HAUS3: variants seen among roughly 807,000 people sequenced by gnomAD.
The protein encoded by HAUS3 is HAUS augmin like complex subunit 3.
HAUS3 carries 36 observed loss-of-function variants against 55.2 expected under a neutral mutation model. That is an observed-to-expected ratio of 0.65 (90% CI 0.50 to 0.86). The LOEUF (loss-of-function observed/expected upper bound fraction) is 0.86. Among genes scored for constraint, HAUS3 ranks in the 40% least tolerant of loss-of-function variants. The pLI, the probability that HAUS3 is intolerant of heterozygous loss-of-function variation, is 0.00. For missense variants in HAUS3, 752 were observed against 671.5 expected (o/e 1.12, Z -1.33); for synonymous variants, 234 against 238.6 (o/e 0.98, Z 0.18).
intron 5 of HAUS3, among the ~76,000 whole-genome samples, chr4:2,235,716 C>T (rs575124960): frequency 1.3e-5 from 2 of 152,040 alleles, no homozygotes; most frequent in African/African-American, 2.4e-5. Context: ...TAAAGTTCAA[C>T]GACATATAAA....
intron 4 of HAUS3, among the ~76,000 whole-genome samples, chr4:2,237,490 G>C (rs193105599): frequency 1.3e-5 from 2 of 151,540 alleles, no homozygotes; most frequent in Admixed American, 1.3e-4. Flanking sequence ...GAGAGAGAAA[G>C]GGAGAGGAAG....
At chr4:2,234,214 C>T (rs1734678927) in intron 5 of HAUS3, 1 of 152,146 alleles carries the variant, frequency 6.6e-6, no homozygotes, top group African/African-American at 2.4e-5. Context: ...AAAAACAAAA[C>T]TATGGTCTTT....
At position 2,238,819 on chromosome 4, in the gene HAUS3, TATTA is replaced by T. The variant is rs776873406; in HGVS notation, c.1130_1133del (p.Leu377Ter). Reference sequence around the variant, plus strand: ...GAAGTTCAAATGATGCCTTTTGTTTTATTAATTGATTTAAAACTAACTCTTGTCT... The same window carrying T: ...GAAGTTCAAATGATGCCTTTTGTTTTATTGATTTAAAACTAACTCTTGTCT... On this transcript the variant is annotated frameshift_variant, in exon 4 of 6. Transcript: ENST00000443786. LOFTEE classifies it high-confidence loss of function. 3.5e-5 allele frequency: 57 copies of T among 1,613,448 alleles called. No homozygotes were observed. The highest frequency in any genetic ancestry group is 3.5e-4 in the South Asian group (32 of 91,066).
intron 5 of HAUS3, 43 bp from the exon 6 acceptor site, chr4:2,232,203 C>A: frequency 1.2e-6 from 1 of 837,636 alleles, no homozygotes; most frequent in South Asian, 2.0e-5. Flanking sequence ...CACTTTATTC[C>A]TAATACCAAT....
At position 2,228,478 on chromosome 4, in the gene HAUS3, C is replaced by T. The variant is rs915531622; in HGVS notation, c.*3449G>A. On this transcript the variant is annotated 3_prime_UTR_variant, in exon 6 of 6. Transcript: ENST00000443786. Reference sequence around the variant, plus strand: ...CTCAGCCTCCCAAGTAGCTGGACTACAGGCGCCTACCACCACTCCCAGCTA... The same window carrying T: ...CTCAGCCTCCCAAGTAGCTGGACTATAGGCGCCTACCACCACTCCCAGCTA... 4 of 199,092 alleles carry T rather than the reference C, an allele frequency of 2.0e-5. No individual in the cohort carries two copies. The highest frequency in any genetic ancestry group is 4.2e-5 in the Non-Finnish European group (4 of 94,364). The allele number at this position is 199,092 out of a possible 1,614,324, so 12.3% of individuals were successfully genotyped here. A position where few individuals can be genotyped will look rare whatever the true frequency, so the allele number is the denominator to read the frequency against.
chr4:2,228,996 TG>T lies in HAUS3; in HGVS notation c.*2930del. On this transcript the variant is annotated 3_prime_UTR_variant, in exon 6 of 6. Transcript: ENST00000443786. ...GAATGAGTGTAAAAGGGGCGGGAGC[TG>T]GGCTTCATCTGTCTACATGCATTCC... is the stretch of plus-strand genomic sequence containing the variant. 8.5e-7 allele frequency: 1 copy of T among 1,170,646 alleles called. No homozygotes were observed. Among genetic ancestry groups the T allele is most frequent in the Non-Finnish European group, 1.2e-6 (1 of 837,174 alleles). The allele number at this position is 1,170,646 out of a possible 1,614,324, so 72.5% of individuals were successfully genotyped here.
Position 2,231,836 on chromosome 4 carries a change from T to G in HAUS3, c.*91A>C, listed in dbSNP as rs1338432647. On this transcript the variant is annotated 3_prime_UTR_variant, in exon 6 of 6. Coordinates refer to ENST00000443786, the MANE Select transcript of HAUS3 (RefSeq NM_001303143.2). ...CATCAAATTAAATGTTCCATTGACC[T>G]CAAATTTTAAAAATTTAGTAGTGTT... 2 of 639,922 alleles carry G rather than the reference T, an allele frequency of 3.1e-6. No individual in the cohort carries two copies. Among genetic ancestry groups the G allele is most frequent in the Admixed American group, 3.5e-5 (1 of 28,784 alleles). 39.6% of individuals were successfully genotyped at this position (639,922 alleles called of 1,614,324 possible).
Position 2,236,241 on chromosome 4 carries a change from A to C in HAUS3, c.1565T>G (p.Leu522Trp). Residue 522 changes from leucine to tryptophan, a missense_variant, in exon 5 of 6, where the codon TTG becomes TGG. By Grantham distance (61) the Leu-to-Trp change is moderately conservative. Transcript: ENST00000443786. ...DTLYQGGNQL[L>W]LSDQELTEQF... ...GCAAATACCCACCTGATCACTAAGC[A>C]AAAGCTGATTTCCTCCTTGATACAA... is the stretch of plus-strand genomic sequence containing the variant. 6.2e-7 allele frequency: 1 copy of C among 1,609,344 alleles called. No homozygotes were observed. The highest frequency in any genetic ancestry group is 8.5e-7 in the Non-Finnish European group (1 of 1,176,542).
chr4:2,235,358 T>A (rs1425795729), intron 5 of HAUS3, among the ~76,000 whole-genome samples: 1 of 152,220 alleles, frequency 6.6e-6, no homozygotes, highest in Non-Finnish European at 1.5e-5. Context: ...GCTACTGTTT[T>A]AAAAACCACA....
At position 2,238,135 on chromosome 4, in the gene HAUS3, T is replaced by C. The variant is rs563808432; in HGVS notation, c.1349+469A>G. 2.6e-5 allele frequency among the ~76,000 whole-genome samples: 4 copies of C among 152,304 alleles called. No homozygotes were observed. The South Asian group carries it at 8.3e-4, about 32-fold the overall frequency. On this transcript the variant is annotated intron_variant, in intron 4 of 5. Transcript: ENST00000443786. Reference sequence around the variant, plus strand: ...TTTTCAGTATCCCTCTGCCATCAATTGCTCAGACATCCAGATGAAGCCTGG... The same window carrying C: ...TTTTCAGTATCCCTCTGCCATCAATCGCTCAGACATCCAGATGAAGCCTGG...
chr4:2,234,741 A>G (rs1197735527), intron 5 of HAUS3, among the ~76,000 whole-genome samples: 1 of 152,242 alleles, frequency 6.6e-6, no homozygotes, highest in Non-Finnish European at 1.5e-5. Flanking sequence ...ATCACCAGGA[A>G]TAGTCATTAT....
At chr4:2,235,791 T>C (rs1734740184) in intron 5 of HAUS3, among the ~76,000 whole-genome samples, 1 of 152,132 alleles carries the variant, frequency 6.6e-6, no homozygotes, top group Non-Finnish European at 1.5e-5. Flanking sequence ...AAACTATACA[T>C]AAAAGCAAGA....
intron 3 of HAUS3, 147 bp from the exon 4 acceptor site, chr4:2,239,190 G>A: frequency 2.0e-6 from 1 of 504,256 alleles, no homozygotes. Flanking sequence ...AAAAATTACA[G>A]TTTAAAAGGG....
rs1734478599 is a variant in HAUS3 at position 2,228,938 on chromosome 4, C to T, written c.*2989G>A. On this transcript the variant is annotated 3_prime_UTR_variant, in exon 6 of 6. Coordinates refer to ENST00000443786, the MANE Select transcript of HAUS3 (RefSeq NM_001303143.2). ...TAAAGCAATGAAGGTTAAGGGAACA[C>T]GAAAGTTAGCAAGCAGAAGCTCAGT... is the stretch of plus-strand genomic sequence containing the variant. 2.0e-5 allele frequency: 11 copies of T among 559,390 alleles called. No individual in the cohort carries two copies. Among genetic ancestry groups the T allele is most frequent in the Admixed American group, 3.4e-5 (1 of 29,368 alleles). 34.7% of individuals were successfully genotyped at this position (559,390 alleles called of 1,614,324 possible).
chr4:2,240,513 G>A lies in HAUS3; in HGVS notation c.434C>T (p.Thr145Ile). ...LRLNAKEEEA[T>I]KKLKQSQGIL... Reference sequence around the variant, plus strand: ...TCCTTGACTCTGCTTCAGCTTTTTAGTGGCTTCTTCTTCTTTAGCATTTAA... The same window carrying A: ...TCCTTGACTCTGCTTCAGCTTTTTAATGGCTTCTTCTTCTTTAGCATTTAA... Residue 145 changes from threonine to isoleucine, a missense_variant, in exon 3 of 6, where the codon ACT (threonine) becomes ATT (isoleucine). Physicochemically the swap from Thr to Ile is moderately conservative, Grantham distance 89. Coordinates refer to ENST00000443786, the MANE Select transcript of HAUS3 (RefSeq NM_001303143.2). The A allele has an allele frequency of 6.2e-7, 1 of 1,613,844 alleles. No homozygotes were observed. Among genetic ancestry groups the A allele is most frequent in the Admixed American group, 1.7e-5 (1 of 59,946 alleles).
rs532430680 is a variant in HAUS3 at position 2,228,994 on chromosome 4, G to A, written c.*2933C>T. 528 of 1,139,174 alleles carry A rather than the reference G, an allele frequency of 4.6e-4. 4 individuals are homozygous for A. In the South Asian group the frequency reaches 8.1e-3, roughly 17 times the overall value. The allele number at this position is 1,139,174 out of a possible 1,614,324, so 70.6% of individuals were successfully genotyped here. On this transcript the variant is annotated 3_prime_UTR_variant, in exon 6 of 6. Coordinates refer to ENST00000443786, the MANE Select transcript of HAUS3 (RefSeq NM_001303143.2). ...CTGAATGAGTGTAAAAGGGGCGGGA[G>A]CTGGGCTTCATCTGTCTACATGCAT...
intron 5 of HAUS3, among the ~76,000 whole-genome samples, chr4:2,235,528 T>C (rs1186130060): frequency 6.6e-6 from 1 of 152,232 alleles, no homozygotes; most frequent in East Asian, 1.9e-4. Flanking sequence ...TATCATATAA[T>C]GGAATACTAA....
In HAUS3 at chr4:2,231,832, G is replaced by T; in HGVS notation, c.*95C>A. On this transcript the variant is annotated 3_prime_UTR_variant, in exon 6 of 6. Transcript: ENST00000443786. ...AATTCATCAAATTAAATGTTCCATT[G>T]ACCTCAAATTTTAAAAATTTAGTAG... 1.6e-6 allele frequency: 1 copy of T among 625,466 alleles called. No homozygotes were observed. Among genetic ancestry groups the T allele is most frequent in the Non-Finnish European group, 2.8e-6 (1 of 354,530 alleles). 38.7% of individuals were successfully genotyped at this position (625,466 alleles called of 1,614,324 possible). A position where few individuals can be genotyped will look rare whatever the true frequency, so the allele number is the denominator to read the frequency against.
rs1012292371 is a variant in HAUS3, at chr4:2,229,394, A to C, written c.*2533T>G. The stretch of plus-strand genomic sequence containing the variant: ...AGAAAATAGGCATCAATCATCCAAT[A>C]ATATAGATAGAAAGAAAAAAGCAAA... On this transcript the variant is annotated 3_prime_UTR_variant, in exon 6 of 6. Coordinates refer to ENST00000443786, the MANE Select transcript of HAUS3 (RefSeq NM_001303143.2). 1 of 600,574 alleles carries C rather than the reference A, an allele frequency of 1.7e-6. No homozygotes were observed. The highest frequency in any genetic ancestry group is 3.9e-5 in the Admixed American group (1 of 25,390). 37.2% of individuals were successfully genotyped at this position (600,574 alleles called of 1,614,324 possible). A position where few individuals can be genotyped will look rare whatever the true frequency, so the allele number is the denominator to read the frequency against.
Sources: allele counts gnomAD v4.1 joint callset (sites outside exome capture counted in the v4.1 genomes callset), GRCh38; gene constraint gnomAD v4.1.1; transcripts MANE v1.5; gene names NCBI Gene and HGNC (gene_info 2026-07-23, HGNC 2026-07-21).